The following RASGRP3 variants were observed in gnomAD, a reference collection of about 807,000 sequenced individuals.
RASGRP3 encodes the protein ras guanyl-releasing protein 3.
Under a neutral mutation model 82.7 loss-of-function variants are expected in RASGRP3, and 54 were observed. The observed-to-expected ratio is 0.65, with a 90% CI of 0.52 to 0.82. The LOEUF (loss-of-function observed/expected upper bound fraction) is 0.82. RASGRP3 is among the 40% of genes least tolerant of loss of function. RASGRP3 has a pLI of 0.00. For missense variants in RASGRP3, 861 were observed against 828.9 expected (o/e 1.04, Z -0.48); for synonymous variants, 309 against 300.5 (o/e 1.03, Z -0.29).
intron 10 of RASGRP3, among the ~76,000 whole-genome samples, chr2:33,528,135 C>A (rs1290338918): frequency 6.6e-6 from 1 of 152,210 alleles, no homozygotes; most frequent in Non-Finnish European, 1.5e-5. Flanking sequence ...TCTGTCACAT[C>A]ACCCTGGCAC....
intron 1 of RASGRP3, among the ~76,000 whole-genome samples, chr2:33,497,537 G>C (rs1221701589): frequency 6.6e-6 from 1 of 152,170 alleles, no homozygotes; most frequent in Non-Finnish European, 1.5e-5. Flanking sequence ...TTGTTTTAGG[G>C]ACATTAATCA....
At chr2:33,548,876 A>C (rs1430190630) in intron 13 of RASGRP3, among the ~76,000 whole-genome samples, 2 of 152,024 alleles carry the variant, frequency 1.3e-5, no homozygotes, top group Non-Finnish European at 2.9e-5. Flanking sequence ...TTTGGTAGAG[A>C]TGGGGTCTCA....
At position 33,500,679 on chromosome 2, in the gene RASGRP3, T is replaced by C. The variant is rs112301213; in HGVS notation, c.-260-11031T>C. Among the ~76,000 whole-genome samples, 1,454 of 152,330 alleles carry C rather than the reference T, an allele frequency of 9.5e-3. 8 individuals carry two copies. The highest frequency in any genetic ancestry group is 0.017 in the Middle Eastern group (5 of 294). ...AGGTGGGTGCGGTGGCCCACGCCTGTAATCCCAGCACTTTGGGAGGCCGAG... is the reference window on the plus strand; with the variant it reads ...AGGTGGGTGCGGTGGCCCACGCCTGCAATCCCAGCACTTTGGGAGGCCGAG... On this transcript the variant is annotated intron_variant, in intron 1 of 17. Transcript: ENST00000403687.
intron 1 of RASGRP3, among the ~76,000 whole-genome samples, chr2:33,483,475 T>C (rs72804226): frequency 0.042 from 6,101 of 146,646 alleles, 350 homozygotes; most frequent in African/African-American, 0.13. Flanking sequence ...CAGAGGCATG[T>C]TTTAGCCACT....
chr2:33,560,223 T>A (rs777694617), intron 17 of RASGRP3, among the ~76,000 whole-genome samples: 3 of 152,148 alleles, frequency 2.0e-5, no homozygotes. Context: ...CCACGAGCAG[T>A]CATTCTCCCC....
intron 10 of RASGRP3, among the ~76,000 whole-genome samples, chr2:33,529,013 A>T (rs1203465185): frequency 6.6e-6 from 1 of 152,200 alleles, no homozygotes; most frequent in Non-Finnish European, 1.5e-5. Flanking sequence ...CTAGGCTTCC[A>T]GTGTCTGTGT....
At chr2:33,499,095 G>C (rs1260496756) in intron 1 of RASGRP3, among the ~76,000 whole-genome samples, 1 of 152,044 alleles carries the variant, frequency 6.6e-6, no homozygotes, top group African/African-American at 2.4e-5. Context: ...ATCAAGACAA[G>C]AATAAGGTTA....
chr2:33,456,322 A>G (rs981741516), intron 2 of RASGRP3, among the ~76,000 whole-genome samples: 4 of 151,502 alleles, frequency 2.6e-5, no homozygotes, highest in African/African-American at 9.7e-5. Context: ...GATTATTGAG[A>G]TATTAATGTT....
chr2:33,511,365 T>A (rs1420643267), intron 1 of RASGRP3, among the ~76,000 whole-genome samples: 1 of 152,162 alleles, frequency 6.6e-6, no homozygotes, highest in Non-Finnish European at 1.5e-5. Flanking sequence ...GTTTTAAGGA[T>A]TTACTAACAT....
chr2:33,546,108 C>T (rs1485747230), intron 13 of RASGRP3, among the ~76,000 whole-genome samples: 3 of 151,742 alleles, frequency 2.0e-5, no homozygotes, highest in Non-Finnish European at 2.9e-5. Context: ...CCGTGCCCAG[C>T]CAAGAATGGC....
At chr2:33,493,847 G>A (rs1669073282) in intron 1 of RASGRP3, among the ~76,000 whole-genome samples, 1 of 152,038 alleles carries the variant, frequency 6.6e-6, no homozygotes. Flanking sequence ...AATCAGACCA[G>A]TGAGAAGAAA....
chr2:33,447,776 T>A (rs138446490), intron 1 of RASGRP3: 1 of 152,266 alleles, frequency 6.6e-6, no homozygotes, highest in Admixed American at 6.5e-5. Flanking sequence ...GGTCAATGAA[T>A]GCATCCTTCT....
At chr2:33,557,328 C>G (rs1292631991) in intron 15 of RASGRP3, among the ~76,000 whole-genome samples, 1 of 152,220 alleles carries the variant, frequency 6.6e-6, no homozygotes, top group Non-Finnish European at 1.5e-5. Flanking sequence ...AACATATTTA[C>G]TGAGCATATG....
chr2:33,477,667 C>G (rs1265843291), intron 1 of RASGRP3, among the ~76,000 whole-genome samples: 3 of 152,192 alleles, frequency 2.0e-5, no homozygotes, highest in Non-Finnish European at 4.4e-5. Context: ...TGTTCGGTGA[C>G]TTTTGTCCTT....
At chr2:33,479,384 G>A (rs944383961) in intron 1 of RASGRP3, among the ~76,000 whole-genome samples, 1 of 151,494 alleles carries the variant, frequency 6.6e-6, no homozygotes, top group Admixed American at 6.6e-5. Flanking sequence ...CAGTTTTCCT[G>A]TCACTCCTTT....
Position 33,563,259 on chromosome 2 carries a change from A to AACTT in RASGRP3, c.*524_*527dup, listed in dbSNP as rs1676891444. On this transcript the variant is annotated 3_prime_UTR_variant, in exon 18 of 18. Coordinates refer to ENST00000403687, the MANE Select transcript of RASGRP3 (RefSeq NM_001139488.2). The stretch of plus-strand genomic sequence containing the variant: ...TGGTGTGCTTTTTGGATGGGACCAG[A>AACTT]ACTTAACATTTTCCTGAGGACTAGG... The AACTT allele has an allele frequency of 1.3e-5, 2 of 153,680 alleles. No individual in the cohort carries two copies. Among genetic ancestry groups the AACTT allele is most frequent in the South Asian group, 2.0e-4 (1 of 4,932 alleles). 9.5% of individuals were successfully genotyped at this position (153,680 alleles called of 1,614,324 possible).
intron 14 of RASGRP3, among the ~76,000 whole-genome samples, chr2:33,551,053 G>T (rs1051914442): frequency 2.0e-5 from 3 of 151,992 alleles, no homozygotes; most frequent in Admixed American, 6.5e-5. Context: ...TGGCTCATGT[G>T]TGTAATCCCA....
intron 1 of RASGRP3, among the ~76,000 whole-genome samples, chr2:33,509,395 A>G (rs1384440316): frequency 1.4e-5 from 2 of 147,902 alleles, no homozygotes; most frequent in Non-Finnish European, 3.0e-5. Flanking sequence ...GAGCAAGACC[A>G]TCTCAAAAAA....
chr2:33,521,703 C>G (rs543424596), intron 6 of RASGRP3, among the ~76,000 whole-genome samples: 1 of 152,196 alleles, frequency 6.6e-6, no homozygotes, highest in African/African-American at 2.4e-5. Context: ...CAGACCTTGC[C>G]GGTCACAAAG....
Sources: gnomAD v4.1 joint callset for allele counts (sites outside exome capture counted in the v4.1 genomes callset) on GRCh38, gnomAD v4.1.1 for gene constraint, MANE v1.5 for transcripts, NCBI Gene and HGNC (gene_info 2026-07-23, HGNC 2026-07-21) for gene names.